PROS1: variants seen among roughly 807,000 people sequenced by gnomAD.
The protein encoded by PROS1 is protein S.
PROS1 carries 29 observed loss-of-function variants against 75.9 expected under a neutral mutation model. The ratio of observed to expected loss-of-function variants is 0.38; its 90% CI spans 0.28 to 0.52. PROS1 has a LOEUF of 0.52. Ranked by LOEUF, PROS1 falls within the 20% of genes least tolerant of loss-of-function variation. The pLI, the probability that PROS1 is intolerant of heterozygous loss-of-function variation, is 0.83. For synonymous variants in PROS1, 245 were observed against 280.6 expected, an observed-to-expected ratio of 0.87 and a Z score of 1.27; for missense variants, 680 against 810.3, an observed-to-expected ratio of 0.84 and a Z score of 1.95.
intron 1 of PROS1, among the ~76,000 whole-genome samples, chr3:93,960,330 C>T (rs1475295192): frequency 6.6e-6 from 1 of 151,990 alleles, no homozygotes; most frequent in Non-Finnish European, 1.5e-5. Context: ...GTGCCCACCA[C>T]CATGCCCAGC....
intron 3 of PROS1, among the ~76,000 whole-genome samples, chr3:93,919,995 C>T (rs1325885565): frequency 6.6e-6 from 1 of 152,114 alleles, no homozygotes; most frequent in East Asian, 1.9e-4. Flanking sequence ...ATATTTCTCT[C>T]TTTTGTATTT....
At chr3:93,906,189 G>T in intron 4 of PROS1, 46 bp from the exon 5 acceptor site, 1 of 1,599,242 alleles carries the variant, frequency 6.3e-7, no homozygotes, top group South Asian at 1.1e-5. Flanking sequence ...TCATGTCATG[G>T]AAAAATAAAA....
chr3:93,920,618 T>C (rs1184893056), intron 3 of PROS1, among the ~76,000 whole-genome samples: 3 of 152,148 alleles, frequency 2.0e-5, no homozygotes, highest in African/African-American at 4.8e-5. Context: ...GAATATACTA[T>C]AGCTTATGAT....
intron 1 of PROS1, among the ~76,000 whole-genome samples, chr3:93,943,961 C>T (rs1175262719): frequency 2.0e-5 from 3 of 152,214 alleles, no homozygotes; most frequent in African/African-American, 7.2e-5. Context: ...CACCTATCTT[C>T]CTTCACTGAC....
chr3:93,961,489 A>T (rs8178593), intron 1 of PROS1, among the ~76,000 whole-genome samples: 1,842 of 152,318 alleles, frequency 0.012, 46 homozygotes, highest in African/African-American at 0.042. Context: ...TCTCCCAACA[A>T]TCAGGAAGCC....
At chr3:93,937,154 CCT>C (rs1335865269) in intron 1 of PROS1, among the ~76,000 whole-genome samples, 1 of 152,056 alleles carries the variant, frequency 6.6e-6, no homozygotes, top group Non-Finnish European at 1.5e-5. Flanking sequence ...ATCCGAGCTC[CCT>C]GAGTGTACAG....
At chr3:93,885,828 G>A (rs1016999476) in intron 11 of PROS1, among the ~76,000 whole-genome samples, 14 of 152,132 alleles carry the variant, frequency 9.2e-5, no homozygotes, top group African/African-American at 3.1e-4. Context: ...AATTTCCAGA[G>A]AATGAAAGAC....
chr3:93,883,976 A>T (rs1440284886), intron 12 of PROS1, among the ~76,000 whole-genome samples: 3 of 152,096 alleles, frequency 2.0e-5, no homozygotes, highest in Non-Finnish European at 4.4e-5. Flanking sequence ...AAAATAAAAG[A>T]TCTGAAACCT....
chr3:93,879,345 C>T (rs374223027), intron 12 of PROS1, 31 bp from the exon 13 acceptor site: 1 of 1,609,062 alleles, frequency 6.2e-7, no homozygotes, highest in African/African-American at 1.3e-5. Flanking sequence ...GAAGCATGAT[C>T]AATGCACTCC....
In PROS1 at chr3:93,886,431, G is replaced by T. The variant is rs772372291; in HGVS notation, c.1228C>A (p.Pro410Thr). The change falls in exon 11 of 15, where the codon CCT becomes ACT. Residue 410 changes from proline (P) to threonine (T), a missense_variant. By Grantham distance (38) the Pro-to-Thr change is conservative (BLOSUM62 -1). Coordinates refer to ENST00000394236, the MANE Select transcript of PROS1 (RefSeq NM_000313.4). ...TTTTCCGGCTTAAAAAGGGGTCCAG[G>T]TTTATTTATATCCATCACAGCTTCT... ...AKEAVMDINK[P>T]GPLFKPENGL... 3 of 1,613,146 alleles carry T rather than the reference G, an allele frequency of 1.9e-6. No homozygotes were observed. The highest frequency in any genetic ancestry group is 2.2e-5 in the East Asian group (1 of 44,796).
In PROS1 at chr3:93,898,493, A is replaced by G. The variant is rs1279217094; in HGVS notation, c.804T>C (p.Asp268=). ...GGGCAAGTTTGAATCCTTTCTTCCC[A>G]TCACAATAGCAAGTGTAACCTCCAG... ...NYPGGYTCYC[D]GKKGFKLAQD... is the part of the protein sequence containing the mutation. Residue 268 remains aspartate, a synonymous_variant, in exon 8 of 15, where the codon GAT becomes GAC. Coordinates refer to ENST00000394236, the MANE Select transcript of PROS1 (RefSeq NM_000313.4). 1 of 1,612,894 alleles carries G rather than the reference A, an allele frequency of 6.2e-7. No individual in the cohort carries two copies. The highest frequency in any genetic ancestry group is 1.1e-5 in the South Asian group (1 of 91,064).
In PROS1 at chr3:93,926,943, CT is replaced by C. The variant is rs199609907; in HGVS notation, c.234+306del. On this transcript the variant is annotated intron_variant, in intron 2 of 14. Coordinates refer to ENST00000394236, the MANE Select transcript of PROS1 (RefSeq NM_000313.4). The stretch of plus-strand genomic sequence containing the variant: ...TAAAGGTACTTCCTCTCCCCTCCCC[CT>C]AACACTATCAAATTCTGGTTAGAAG... 1.9e-3 allele frequency among the ~76,000 whole-genome samples: 281 copies of C among 151,786 alleles called. 11 individuals carry two copies. The highest frequency in any genetic ancestry group is 0.013 in the East Asian group (69 of 5,112).
chr3:93,934,046 G>C (rs1383020610), intron 1 of PROS1, among the ~76,000 whole-genome samples: 2 of 150,410 alleles, frequency 1.3e-5, no homozygotes. Flanking sequence ...CAGGAGTGGT[G>C]GTGGGCACCT....
intron 10 of PROS1, 37 bp downstream of exon 10, chr3:93,892,896 C>T: frequency 6.3e-7 from 1 of 1,584,112 alleles, no homozygotes; most frequent in Non-Finnish European, 8.7e-7. Flanking sequence ...CAGACTGCAT[C>T]AAAGTGGGAA....
In PROS1 at chr3:93,879,293, C is replaced by A. The variant is rs1294595480; in HGVS notation, c.1514G>T (p.Gly505Val). 5 of 1,613,852 alleles carry A rather than the reference C, an allele frequency of 3.1e-6. No homozygotes were observed. In the South Asian group the frequency reaches 4.4e-5, roughly 14 times the overall value. Residue 505 changes from glycine (G) to valine (V), a missense_variant, in exon 13 of 15, where the codon GGT becomes GTT. Coordinates refer to ENST00000394236, the MANE Select transcript of PROS1 (RefSeq NM_000313.4). ...IDYNNVSSAE[G>V]WHVNVTLNIR... ...ATTCAAGGTCACATTTACATGCCAA[C>A]CCTCAGCACTGGATACATTATCTAT...
At chr3:93,957,367 T>C (rs1311089799) in intron 1 of PROS1, among the ~76,000 whole-genome samples, 1 of 152,238 alleles carries the variant, frequency 6.6e-6, no homozygotes, top group Admixed American at 6.5e-5. Flanking sequence ...GATGCATTTT[T>C]TATTGCATAT....
At chr3:93,912,657 G>C (rs1708776443) in intron 3 of PROS1, among the ~76,000 whole-genome samples, 1 of 152,146 alleles carries the variant, frequency 6.6e-6, no homozygotes, top group Non-Finnish European at 1.5e-5. Flanking sequence ...CCCAGTTCTG[G>C]AGGCTGGGAA....
intron 3 of PROS1, among the ~76,000 whole-genome samples, chr3:93,913,100 G>T (rs1708784271): frequency 6.6e-6 from 1 of 152,116 alleles, no homozygotes; most frequent in South Asian, 2.1e-4. Flanking sequence ...TGAATCAGGG[G>T]GGCGATTTTC....
chr3:93,965,292 G>T (rs1337017739), intron 1 of PROS1, among the ~76,000 whole-genome samples: 1 of 152,144 alleles, frequency 6.6e-6, no homozygotes, highest in Non-Finnish European at 1.5e-5. Context: ...GCTGTTTGCC[G>T]CCGTCGCAGA....
Sources: gnomAD v4.1 joint callset for allele counts (sites outside exome capture counted in the v4.1 genomes callset) on GRCh38, gnomAD v4.1.1 for gene constraint, MANE v1.5 for transcripts, NCBI Gene and HGNC (gene_info 2026-07-23, HGNC 2026-07-21) for gene names.